The following CALCR variants were observed in gnomAD, a reference collection of about 807,000 sequenced individuals.
The protein encoded by CALCR is calcitonin receptor.
Under a neutral mutation model 59.5 loss-of-function variants are expected in CALCR, and 47 were observed. The observed-to-expected ratio is 0.79, with a 90% CI of 0.63 to 1.01. The LOEUF is 1.01. Ranked by LOEUF, CALCR falls within the 50% of genes least tolerant of loss-of-function variation. The pLI is 0.00. For synonymous variants in CALCR, 213 were observed against 211.3 expected, an observed-to-expected ratio of 1.01 and a Z score of -0.07; for missense variants, 566 against 597.1, an observed-to-expected ratio of 0.95 and a Z score of 0.54.
intron 2 of CALCR, among the ~76,000 whole-genome samples, chr7:93,570,525 C>G (rs184229194): frequency 9.7e-4 from 147 of 152,180 alleles, no homozygotes; most frequent in African/African-American, 3.0e-3. Context: ...TTTCACTGAA[C>G]CAGGTACTTT....
In CALCR at chr7:93,438,138, C is replaced by G. The variant is rs767155293; in HGVS notation, c.864-12G>C. On this transcript the variant is annotated splice_polypyrimidine_tract_variant and intron_variant, in intron 10 of 13. Transcript: ENST00000426151. ...CACTCAGCCAGCAGCTGAAAAAGGG[C>G]AAGGGGACAATTAATACACAAATAC... 1.2e-6 allele frequency: 2 copies of G among 1,613,608 alleles called. No individual in the cohort carries two copies. The highest frequency in any genetic ancestry group is 2.2e-5 in the South Asian group (2 of 91,062).
At chr7:93,498,035 C>T (rs1801246592) in intron 2 of CALCR, among the ~76,000 whole-genome samples, 1 of 151,592 alleles carries the variant, frequency 6.6e-6, no homozygotes. Flanking sequence ...TGAAAAGTTA[C>T]TGGTCACGTT....
At chr7:93,543,389 C>T (rs1009743511) in intron 2 of CALCR, among the ~76,000 whole-genome samples, 2 of 152,118 alleles carry the variant, frequency 1.3e-5, no homozygotes, top group African/African-American at 2.4e-5. Flanking sequence ...AAGTGATCTG[C>T]CCACCTCAGC....
intron 2 of CALCR, among the ~76,000 whole-genome samples, chr7:93,522,754 T>C (rs985597122): frequency 2.0e-5 from 3 of 152,172 alleles, no homozygotes; most frequent in Non-Finnish European, 2.9e-5. Context: ...AATTCCATCA[T>C]GCTGTCTTGT....
At chr7:93,475,510 C>T (rs1800648276) in intron 5 of CALCR, among the ~76,000 whole-genome samples, 1 of 150,672 alleles carries the variant, frequency 6.6e-6, no homozygotes, top group African/African-American at 2.4e-5. Flanking sequence ...TAAAAGTGGC[C>T]ACAATTTATA....
intron 2 of CALCR, among the ~76,000 whole-genome samples, chr7:93,525,510 G>C (rs569137106): frequency 6.6e-6 from 1 of 152,184 alleles, no homozygotes; most frequent in Non-Finnish European, 1.5e-5. Flanking sequence ...GCAGGTCATG[G>C]TGTGTATGTT....
At chr7:93,560,472 C>A (rs1024646318) in intron 2 of CALCR, among the ~76,000 whole-genome samples, 22 of 152,018 alleles carry the variant, frequency 1.4e-4, no homozygotes, top group African/African-American at 5.3e-4. Context: ...TTTTACCTTC[C>A]CCTTAAACTG....
chr7:93,458,905 AAC>A (rs1407609763), intron 8 of CALCR, among the ~76,000 whole-genome samples: 2 of 152,190 alleles, frequency 1.3e-5, no homozygotes, highest in Admixed American at 6.5e-5. Context: ...CAATCTAATA[AAC>A]AGTTATATCA....
chr7:93,451,287 T>A (rs763587962), intron 8 of CALCR, among the ~76,000 whole-genome samples: 1 of 151,944 alleles, frequency 6.6e-6, no homozygotes, highest in Non-Finnish European at 1.5e-5. Context: ...CTTTTTCTCA[T>A]AAAGAAGAGA....
At chr7:93,507,234 A>G (rs1358004988) in intron 2 of CALCR, among the ~76,000 whole-genome samples, 5 of 56,922 alleles carry the variant, frequency 8.8e-5, no homozygotes, top group Admixed American at 7.1e-4. Flanking sequence ...CTTGTTGAAC[A>G]CACACACACA....
intron 2 of CALCR, among the ~76,000 whole-genome samples, chr7:93,554,423 A>G (rs1015839061): frequency 5.9e-5 from 9 of 152,100 alleles, no homozygotes; most frequent in African/African-American, 2.2e-4. Context: ...TAAAGAAAGG[A>G]AAGAGATCAA....
rs1034100787 is a variant in CALCR, at chr7:93,424,630, A to G, written c.*1726T>C. The G allele has an allele frequency of 5.2e-5, 8 of 152,648 alleles. No homozygotes were observed. The highest frequency in any genetic ancestry group is 1.9e-4 in the East Asian group (1 of 5,202). The allele number at this position is 152,648 out of a possible 1,614,324, so 9.5% of individuals were successfully genotyped here. On this transcript the variant is annotated 3_prime_UTR_variant, in exon 14 of 14. Transcript: ENST00000426151. ...TGGGCAGAACTATGTGCAATTCTAT[A>G]ATAAGCTATTTTGTTTTCTTCAACC... is the stretch of plus-strand genomic sequence containing the variant.
chr7:93,531,961 T>A (rs1445306889), intron 2 of CALCR, among the ~76,000 whole-genome samples: 1 of 151,808 alleles, frequency 6.6e-6, no homozygotes, highest in Non-Finnish European at 1.5e-5. Flanking sequence ...TGATCATGAA[T>A]GTGATTAACA....
At chr7:93,466,444 C>T (rs577396520) in intron 7 of CALCR, among the ~76,000 whole-genome samples, 1 of 151,818 alleles carries the variant, frequency 6.6e-6, no homozygotes, top group South Asian at 2.1e-4. Context: ...AAGACAGATG[C>T]CCTTTATATT....
At chr7:93,536,955 C>T (rs893444172) in intron 2 of CALCR, among the ~76,000 whole-genome samples, 2 of 151,656 alleles carry the variant, frequency 1.3e-5, no homozygotes, top group African/African-American at 4.8e-5. Context: ...GGTAAAGTAG[C>T]ACAATGTTTC....
intron 2 of CALCR, among the ~76,000 whole-genome samples, chr7:93,496,929 T>C (rs1409821656): frequency 6.6e-6 from 1 of 151,624 alleles, no homozygotes; most frequent in African/African-American, 2.4e-5. Context: ...CTTGATTATA[T>C]AACCTATTTG....
chr7:93,548,868 G>C (rs911006959), intron 2 of CALCR, among the ~76,000 whole-genome samples: 8 of 82,998 alleles, frequency 9.6e-5, no homozygotes, highest in Non-Finnish European at 2.9e-4. Context: ...GTGTGTGTGT[G>C]TGTGTGTGTG....
Position 93,512,347 on chromosome 7 carries a change from A to G in CALCR, c.-26-25340T>C, listed in dbSNP as rs77524112. ...CCCAGAGAGATTAAGAGACGTGCCC[A>G]TGGTCTTTCATTTAGCAAGAGGTGG... is the stretch of plus-strand genomic sequence containing the variant. On this transcript the variant is annotated intron_variant, in intron 2 of 13. Transcript: ENST00000426151. Among the ~76,000 whole-genome samples, 837 of 152,226 alleles carry G rather than the reference A, an allele frequency of 5.5e-3. 7 individuals are homozygous for G. The highest frequency in any genetic ancestry group is 0.019 in the African/African-American group (803 of 41,544).
chr7:93,507,685 A>T (rs1442742784), intron 2 of CALCR, among the ~76,000 whole-genome samples: 1 of 150,474 alleles, frequency 6.6e-6, no homozygotes, highest in Non-Finnish European at 1.5e-5. Flanking sequence ...AGGTGGGTGG[A>T]TCACGAGGTC....
Sources: allele counts gnomAD v4.1 joint callset (sites outside exome capture counted in the v4.1 genomes callset), GRCh38; gene constraint gnomAD v4.1.1; transcripts MANE v1.5; gene names NCBI Gene and HGNC (gene_info 2026-07-23, HGNC 2026-07-21).